Variants in ULK2 observed in about 807,000 individuals in gnomAD.
ULK2 encodes serine/threonine-protein kinase ULK2.
In ULK2, 76 loss-of-function variants were observed where a neutral mutation model predicts 127.5. The ratio of observed to expected loss-of-function variants is 0.60; its 90% CI spans 0.50 to 0.72. The LOEUF (loss-of-function observed/expected upper bound fraction) is 0.72. Ranked by LOEUF, ULK2 falls within the 30% of genes least tolerant of loss-of-function variation. The pLI, the probability that ULK2 is intolerant of heterozygous loss-of-function variation, is 0.00. For missense variants in ULK2, 1,144 were observed against 1,295.9 expected (o/e 0.88, Z 1.80); for synonymous variants, 452 against 461.9 (o/e 0.98, Z 0.28).
intron 13 of ULK2, among the ~76,000 whole-genome samples, chr17:19,815,216 A>C (rs1186408208): frequency 6.6e-6 from 1 of 152,132 alleles, no homozygotes; most frequent in Non-Finnish European, 1.5e-5. Flanking sequence ...GAGCAGAAAG[A>C]GAAAAGGCAC....
chr17:19,834,554 A>G (rs2041544231), intron 10 of ULK2, among the ~76,000 whole-genome samples: 1 of 152,104 alleles, frequency 6.6e-6, no homozygotes. Context: ...AATGACACCA[A>G]ACAGTAACTT....
intron 13 of ULK2, among the ~76,000 whole-genome samples, chr17:19,815,517 A>AAG (rs1178109842): frequency 2.6e-5 from 4 of 152,288 alleles, no homozygotes; most frequent in Admixed American, 6.5e-5. Context: ...TCCTGACCTC[A>AAG]TGATCTGCCC....
In ULK2 at chr17:19,800,979, T is replaced by G. The variant is rs183163995; in HGVS notation, c.1441+798A>C. On this transcript the variant is annotated intron_variant, in intron 16 of 26. Coordinates refer to ENST00000395544, the MANE Select transcript of ULK2 (RefSeq NM_014683.4). Reference sequence around the variant, plus strand: ...TAGGGTTTTTGTTGTTTCTGGTGTTTTGTTTGTATTGGCATTCTCCTTATT... The same window carrying G: ...TAGGGTTTTTGTTGTTTCTGGTGTTGTGTTTGTATTGGCATTCTCCTTATT... Among the ~76,000 whole-genome samples, 19 of 152,296 alleles carry G rather than the reference T, an allele frequency of 1.2e-4. No individual in the cohort carries two copies. In the East Asian group the frequency reaches 2.9e-3, roughly 23 times the overall value.
intron 3 of ULK2, among the ~76,000 whole-genome samples, chr17:19,851,971 G>A (rs533384295): frequency 1.8e-4 from 27 of 147,916 alleles, no homozygotes; most frequent in East Asian, 4.1e-4. Context: ...GCTTGAACCC[G>A]GGAGACAGAG....
chr17:19,836,266 G>A (rs575599602), intron 10 of ULK2, among the ~76,000 whole-genome samples: 132 of 152,024 alleles, frequency 8.7e-4, no homozygotes, highest in Admixed American at 6.5e-3. Flanking sequence ...AAAATTAGCC[G>A]GGCATAGTGG....
chr17:19,839,462 C>A (rs2041682158), intron 9 of ULK2, among the ~76,000 whole-genome samples: 1 of 151,994 alleles, frequency 6.6e-6, no homozygotes, highest in African/African-American at 2.4e-5. Flanking sequence ...GTCAGGAGTT[C>A]AAGACCAGCC....
rs1467249870 is a variant in ULK2, at chr17:19,772,323, G to C, written c.*4026C>G. 6.6e-6 allele frequency: 1 copy of C among 152,222 alleles called. No homozygotes were observed. Among genetic ancestry groups the C allele is most frequent in the Non-Finnish European group, 1.5e-5 (1 of 68,056 alleles). 9.4% of individuals were successfully genotyped at this position (152,222 alleles called of 1,614,324 possible). A position where few individuals can be genotyped will look rare whatever the true frequency, so the allele number is the denominator to read the frequency against. ...GATTGTTTCTGATGTGGTTTCCTCT[G>C]ATGCAGGTGAGGGAAGTATCATCTT... On this transcript the variant is annotated 3_prime_UTR_variant, in exon 27 of 27. Transcript: ENST00000395544.
chr17:19,843,994 A>G (rs1425567324), intron 7 of ULK2, among the ~76,000 whole-genome samples: 2 of 152,122 alleles, frequency 1.3e-5, no homozygotes, highest in African/African-American at 2.4e-5. Flanking sequence ...CAAGACAAAC[A>G]TGGCAAAATG....
At chr17:19,849,063 C>G in intron 5 of ULK2, among the ~76,000 whole-genome samples, 1 of 151,964 alleles carries the variant, frequency 6.6e-6, no homozygotes, top group East Asian at 1.9e-4. Flanking sequence ...CTCAGTCAAG[C>G]CTTTTGAAGG....
chr17:19,853,138 A>AT (rs113112588), intron 3 of ULK2, among the ~76,000 whole-genome samples: 36,676 of 143,692 alleles, frequency 0.26, 4,692 homozygotes, highest in Non-Finnish European at 0.3. Context: ...AATTTTTTTA[A>AT]TTTTTTTTTT....
intron 25 of ULK2, among the ~76,000 whole-genome samples, chr17:19,779,531 CAAAAAAAAAAA>C (rs55957234): frequency 1.5e-5 from 1 of 67,998 alleles, no homozygotes; most frequent in South Asian, 5.2e-4. Context: ...AACTCCATCT[CAAAAAAAAAAA>C]AAAAAAAAAA....
intron 10 of ULK2, among the ~76,000 whole-genome samples, chr17:19,831,832 AAAG>A (rs961446861): frequency 4.6e-5 from 7 of 151,910 alleles, no homozygotes; most frequent in Non-Finnish European, 1.0e-4. Flanking sequence ...GTCTCAAAAA[AAAG>A]AAGAAATAGG....
intron 14 of ULK2, among the ~76,000 whole-genome samples, chr17:19,808,507 G>A (rs1310120062): frequency 6.6e-6 from 1 of 152,076 alleles, no homozygotes; most frequent in East Asian, 1.9e-4. Context: ...AGAATGGGAA[G>A]AAATATTTGC....
intron 15 of ULK2, among the ~76,000 whole-genome samples, chr17:19,802,865 C>T (rs2087430160): frequency 6.6e-6 from 1 of 152,144 alleles, no homozygotes; most frequent in South Asian, 2.1e-4. Context: ...TTTAACCATT[C>T]AGTAATCTGG....
chr17:19,805,633 C>T (rs530029118), intron 14 of ULK2, among the ~76,000 whole-genome samples: 2 of 152,234 alleles, frequency 1.3e-5, no homozygotes, highest in South Asian at 4.1e-4. Context: ...CAGCATATCC[C>T]AGACTCCCTT....
chr17:19,813,424 G>T (rs1035069342), intron 13 of ULK2, among the ~76,000 whole-genome samples: 2 of 152,034 alleles, frequency 1.3e-5, no homozygotes, highest in Non-Finnish European at 2.9e-5. Context: ...ATAAATTAGA[G>T]CAATAAGACA....
intron 12 of ULK2, among the ~76,000 whole-genome samples, chr17:19,824,010 C>G (rs548787092): frequency 1.3e-5 from 2 of 152,090 alleles, no homozygotes; most frequent in Non-Finnish European, 2.9e-5. Context: ...CTGAAGAACC[C>G]TACGAGGTAG....
At chr17:19,839,030 GA>G (rs764888384) in intron 9 of ULK2, among the ~76,000 whole-genome samples, 170 of 134,452 alleles carry the variant, frequency 1.3e-3, no homozygotes, top group Middle Eastern at 3.7e-3. Context: ...GACTCCATCT[GA>G]AAAAAAAAAA....
At chr17:19,829,838 CAAAAAAA>C (rs60131689) in intron 10 of ULK2, among the ~76,000 whole-genome samples, 29,196 of 120,608 alleles carry the variant, frequency 0.24, 3,584 homozygotes, top group Admixed American at 0.31. Flanking sequence ...GACTCCATTT[CAAAAAAA>C]AAAAAAAAAA....
Sources: allele counts gnomAD v4.1 joint callset (sites outside exome capture counted in the v4.1 genomes callset), GRCh38; gene constraint gnomAD v4.1.1; transcripts MANE v1.5; gene names NCBI Gene and HGNC (gene_info 2026-07-23, HGNC 2026-07-21).